Variants in ZNF280D observed in about 807,000 individuals in gnomAD.
ZNF280D encodes the protein zinc finger protein 280D.
Under a neutral mutation model 94.7 loss-of-function variants are expected in ZNF280D, and 39 were observed. That is an observed-to-expected ratio of 0.41 (90% CI 0.32 to 0.54). The LOEUF is 0.54. Ranked by LOEUF, ZNF280D falls within the 20% of genes least tolerant of loss-of-function variation. The pLI, the probability that ZNF280D is intolerant of heterozygous loss-of-function variation, is 0.22. For missense variants in ZNF280D, 1,090 were observed against 1,149.3 expected (o/e 0.95, Z 0.75); for synonymous variants, 398 against 377.6 (o/e 1.05, Z -0.63).
chr15:56,637,515 A>T (rs1259468080), intron 20 of ZNF280D, among the ~76,000 whole-genome samples: 3 of 152,148 alleles, frequency 2.0e-5, no homozygotes, highest in African/African-American at 4.8e-5. Context: ...CCTCCTCAAC[A>T]AAGAATCAGT....
At position 56,631,414 on chromosome 15, in the gene ZNF280D, C is replaced by T; in HGVS notation, c.*84G>A. 2 of 1,445,136 alleles carry T rather than the reference C, an allele frequency of 1.4e-6. No homozygotes were observed. The highest frequency in any genetic ancestry group is 1.9e-6 in the Non-Finnish European group (2 of 1,057,736). The allele number at this position is 1,445,136 out of a possible 1,614,324, so 89.5% of individuals were successfully genotyped here. On this transcript the variant is annotated 3_prime_UTR_variant, in exon 22 of 22. Coordinates refer to ENST00000267807, the MANE Select transcript of ZNF280D (RefSeq NM_017661.4). Reference sequence around the variant, plus strand: ...CCCTTACATATTTCCATTTCTGAACCTACAACAGCACCACTGAGCTCACCT... The same window carrying T: ...CCCTTACATATTTCCATTTCTGAACTTACAACAGCACCACTGAGCTCACCT...
In ZNF280D at chr15:56,666,805, T is replaced by C. The variant is rs1481092142; in HGVS notation, c.1727A>G (p.Asn576Ser). 6.2e-7 allele frequency: 1 copy of C among 1,613,780 alleles called. No individual in the cohort carries two copies. Among genetic ancestry groups the C allele is most frequent in the Non-Finnish European group, 8.5e-7 (1 of 1,179,878 alleles). ...TTTACTTCCATTAGGCTTACTTGTA[T>C]TAGGTTTACTTGCGTTGGATTTGAC... Reference protein sequence around the residue: ...NTVKSNASKPNTSKPNGSKSK... With the variant: ...NTVKSNASKPSTSKPNGSKSK... Residue 576 changes from asparagine to serine, a missense_variant, in exon 15 of 22, where the codon AAT (asparagine) becomes AGT (serine). By Grantham distance (46) the Asn-to-Ser change is conservative. Coordinates refer to ENST00000267807, the MANE Select transcript of ZNF280D (RefSeq NM_017661.4).
chr15:56,703,781 G>T (rs568597119), intron 4 of ZNF280D, among the ~76,000 whole-genome samples: 37 of 152,178 alleles, frequency 2.4e-4, no homozygotes, highest in African/African-American at 8.4e-4. Flanking sequence ...TTGAGCCAAG[G>T]AGGTTGAGGC....
At position 56,690,275 on chromosome 15, in the gene ZNF280D, G is replaced by A. The variant is rs549058120; in HGVS notation, c.500-805C>T. Among the ~76,000 whole-genome samples the A allele has an allele frequency of 1.6e-4, 25 of 152,178 alleles. 1 individual carries two copies. The highest frequency in any genetic ancestry group is 6.8e-3 in the Middle Eastern group (2 of 294). ...CGGGCACCTGTAGTCCCAGCTACTCGGGAGGCTGAGGCAGGAGAATGGCAT... is the reference window on the plus strand; with the variant it reads ...CGGGCACCTGTAGTCCCAGCTACTCAGGAGGCTGAGGCAGGAGAATGGCAT... On this transcript the variant is annotated intron_variant, in intron 7 of 21. Transcript: ENST00000267807.
chr15:56,700,423 T>C (rs1379722860), intron 6 of ZNF280D: 1 of 727,972 alleles, frequency 1.4e-6, no homozygotes, highest in Non-Finnish European at 1.7e-6. Context: ...CACTTATACA[T>C]ATTAACAGCT....
At chr15:56,640,585 A>G (rs1236217643) in intron 20 of ZNF280D, among the ~76,000 whole-genome samples, 4 of 152,294 alleles carry the variant, frequency 2.6e-5, no homozygotes, top group African/African-American at 7.2e-5. Context: ...AAGCAAATGC[A>G]TCAACAGTAC....
chr15:56,643,783 T>C (rs1455527742), intron 19 of ZNF280D, among the ~76,000 whole-genome samples: 1 of 151,904 alleles, frequency 6.6e-6, no homozygotes, highest in Middle Eastern at 3.2e-3. Flanking sequence ...TGATCTGAAA[T>C]GTCATTAATC....
intron 1 of ZNF280D, among the ~76,000 whole-genome samples, chr15:56,726,486 T>C (rs1263087724): frequency 6.6e-6 from 1 of 152,196 alleles, no homozygotes; most frequent in Non-Finnish European, 1.5e-5. Flanking sequence ...ATAATTATTA[T>C]GTGGGTCTAT....
At position 56,630,796 on chromosome 15, in the gene ZNF280D, T is replaced by A. The variant is rs1379702541; in HGVS notation, c.*702A>T. 6.6e-6 allele frequency: 1 copy of A among 152,210 alleles called. No homozygotes were observed. Among genetic ancestry groups the A allele is most frequent in the Non-Finnish European group, 1.5e-5 (1 of 68,030 alleles). 9.4% of individuals were successfully genotyped at this position (152,210 alleles called of 1,614,324 possible). A position where few individuals can be genotyped will look rare whatever the true frequency, so the allele number is the denominator to read the frequency against. Reference sequence around the variant, plus strand: ...CAAAAAGCACAAATATAAATTTATATCTTAATAATTCCACTTTCACTGAAA... The same window carrying A: ...CAAAAAGCACAAATATAAATTTATAACTTAATAATTCCACTTTCACTGAAA... On this transcript the variant is annotated 3_prime_UTR_variant, in exon 22 of 22. Transcript: ENST00000267807.
At chr15:56,690,964 T>C (rs1328622017) in intron 7 of ZNF280D, among the ~76,000 whole-genome samples, 1 of 152,170 alleles carries the variant, frequency 6.6e-6, no homozygotes, top group African/African-American at 2.4e-5. Context: ...CTCTCTAGTC[T>C]AGTTATGTTA....
intron 13 of ZNF280D, among the ~76,000 whole-genome samples, chr15:56,670,067 C>CATATATAT (rs201081844): frequency 2.3e-5 from 1 of 42,846 alleles, no homozygotes; most frequent in African/African-American, 9.2e-5. Context: ...TGTTGTTTTA[C>CATATATAT]ATATATATAT....
intron 19 of ZNF280D, among the ~76,000 whole-genome samples, chr15:56,643,572 T>G (rs1416107928): frequency 6.6e-6 from 1 of 151,760 alleles, no homozygotes; most frequent in East Asian, 1.9e-4. Flanking sequence ...AACTTCTTGA[T>G]TTCTAAAAAT....
At chr15:56,674,414 A>T (rs984968758) in intron 13 of ZNF280D, among the ~76,000 whole-genome samples, 6 of 152,074 alleles carry the variant, frequency 3.9e-5, no homozygotes, top group Non-Finnish European at 7.4e-5. Context: ...AAATATCTGT[A>T]TTAAATTTTT....
intron 11 of ZNF280D, among the ~76,000 whole-genome samples, chr15:56,678,044 G>A (rs1324912213): frequency 7.1e-6 from 1 of 140,388 alleles, no homozygotes; most frequent in African/African-American, 2.7e-5. Context: ...ATCTTGCTCT[G>A]TCACCCAGGC....
At chr15:56,640,230 T>G (rs2052562535) in intron 20 of ZNF280D, among the ~76,000 whole-genome samples, 1 of 152,088 alleles carries the variant, frequency 6.6e-6, no homozygotes, top group Non-Finnish European at 1.5e-5. Context: ...TATTGAAGCC[T>G]GAGGCAAAAG....
In ZNF280D at chr15:56,652,626, G is replaced by GT. The variant is rs1242796547; in HGVS notation, c.2213+1571dup. On this transcript the variant is annotated intron_variant, in intron 19 of 21. Transcript: ENST00000267807. Reference sequence around the variant, plus strand: ...ATGCATTACTGGTCACCATATGTATGTTTTTTAACATGTTACCTTTACCCA... The same window carrying GT: ...ATGCATTACTGGTCACCATATGTATGTTTTTTTAACATGTTACCTTTACCCA... 6.1e-6 allele frequency: 6 copies of GT among 984,830 alleles called. No individual in the cohort carries two copies. The African/African-American group carries it at 8.7e-5, about 14-fold the overall frequency. The allele number at this position is 984,830 out of a possible 1,614,324, so 61.0% of individuals were successfully genotyped here.
chr15:56,684,171 C>T (rs1217044617), intron 9 of ZNF280D, among the ~76,000 whole-genome samples: 2 of 152,164 alleles, frequency 1.3e-5, no homozygotes, highest in Non-Finnish European at 2.9e-5. Flanking sequence ...CAGCAAAAAG[C>T]TGTTTAAACC....
intron 14 of ZNF280D, among the ~76,000 whole-genome samples, chr15:56,667,463 A>C (rs2054372487): frequency 6.6e-6 from 1 of 152,204 alleles, no homozygotes; most frequent in South Asian, 2.1e-4. Flanking sequence ...ATTTATGCTT[A>C]CAAATGTTAT....
At chr15:56,699,090 T>C (rs2056910748) in intron 6 of ZNF280D, 1 of 152,442 alleles carries the variant, frequency 6.6e-6, no homozygotes, top group Admixed American at 6.5e-5. Context: ...TACACAGAAA[T>C]AAATATCATT....
Sources: gnomAD v4.1 joint callset for allele counts (sites outside exome capture counted in the v4.1 genomes callset) on GRCh38, gnomAD v4.1.1 for gene constraint, MANE v1.5 for transcripts, NCBI Gene and HGNC (gene_info 2026-07-23, HGNC 2026-07-21) for gene names.